NREP: variants seen among roughly 807,000 people sequenced by gnomAD.
NREP encodes the protein neuronal regeneration related protein.
NREP carries 5 observed loss-of-function variants against 8.6 expected under a neutral mutation model. That is an observed-to-expected ratio of 0.58 (90% confidence interval 0.30 to 1.22). The LOEUF is 1.22. Ranked by LOEUF, NREP falls within the 50% of genes most tolerant of loss-of-function variation. The pLI, the probability that NREP is intolerant of heterozygous loss-of-function variation, is 0.07. For missense variants in NREP, 86 were observed against 82.5 expected (o/e 1.04, Z -0.17); for synonymous variants, 27 against 28.0 (o/e 0.96, Z 0.11).
intron 2 of NREP, among the ~76,000 whole-genome samples, chr5:111,766,960 C>G (rs531092665): frequency 5.3e-5 from 8 of 152,228 alleles, no homozygotes; most frequent in Non-Finnish European, 1.2e-4. Flanking sequence ...ACTTTTTACA[C>G]TTTTACAGTT....
chr5:111,923,433 T>A (rs1406687699), intron 2 of NREP, among the ~76,000 whole-genome samples: 1 of 152,202 alleles, frequency 6.6e-6, no homozygotes, highest in East Asian at 1.9e-4. Flanking sequence ...CCCAGTTTCC[T>A]CTGGGAGGAA....
chr5:111,837,416 A>T (rs1430291954), intron 2 of NREP, among the ~76,000 whole-genome samples: 1 of 152,100 alleles, frequency 6.6e-6, no homozygotes, highest in Non-Finnish European at 1.5e-5. Flanking sequence ...AATGGTTGAA[A>T]TTGATTGAAA....
chr5:111,855,833 C>T (rs184059653), intron 2 of NREP, among the ~76,000 whole-genome samples: 6 of 151,890 alleles, frequency 4.0e-5, no homozygotes, highest in South Asian at 2.1e-4. Flanking sequence ...TTCATGCAGG[C>T]GAAATCAGGT....
intron 2 of NREP, among the ~76,000 whole-genome samples, chr5:111,774,007 C>T (rs1047968592): frequency 6.6e-6 from 1 of 152,108 alleles, no homozygotes; most frequent in Non-Finnish European, 1.5e-5. Context: ...GTTTTCTACT[C>T]TGATCTGAGA....
At chr5:111,945,100 A>AC (rs1377571650) in intron 2 of NREP, among the ~76,000 whole-genome samples, 1 of 151,648 alleles carries the variant, frequency 6.6e-6, no homozygotes, top group Admixed American at 6.6e-5. Context: ...CAACACCCTA[A>AC]CCCCTCTTCA....
At chr5:111,947,408 T>G (rs558906663) in intron 2 of NREP, among the ~76,000 whole-genome samples, 21 of 152,138 alleles carry the variant, frequency 1.4e-4, no homozygotes, top group African/African-American at 4.6e-4. Flanking sequence ...AATTGTATTA[T>G]ATAAAGAGGG....
intron 2 of NREP, among the ~76,000 whole-genome samples, chr5:111,890,180 G>C (rs1178881064): frequency 6.6e-6 from 1 of 152,188 alleles, no homozygotes; most frequent in Non-Finnish European, 1.5e-5. Flanking sequence ...CAGGCCTCAA[G>C]CAAGTTCAAA....
At chr5:111,954,122 A>G (rs1756242969) in intron 2 of NREP, among the ~76,000 whole-genome samples, 1 of 152,144 alleles carries the variant, frequency 6.6e-6, no homozygotes, top group Non-Finnish European at 1.5e-5. Context: ...CTATATCTAT[A>G]TCTACATCTA....
At chr5:111,744,966 A>G (rs1427010061) in intron 2 of NREP, among the ~76,000 whole-genome samples, 1 of 152,118 alleles carries the variant, frequency 6.6e-6, no homozygotes, top group African/African-American at 2.4e-5. Flanking sequence ...CTTCTCCAAA[A>G]GAAGGGAACT....
chr5:111,929,444 A>C (rs1755478384), intron 2 of NREP, among the ~76,000 whole-genome samples: 1 of 152,234 alleles, frequency 6.6e-6, no homozygotes, highest in East Asian at 1.9e-4. Context: ...CAATACCAGC[A>C]AACCACTTCT....
chr5:111,920,681 A>T lies in NREP; in HGVS notation c.135+54593T>A, dbSNP rs1755213018. Among the ~76,000 whole-genome samples the T allele has an allele frequency of 2.0e-5, 3 of 152,164 alleles. No homozygotes were observed. In the South Asian group the frequency reaches 6.2e-4, roughly 32 times the overall value. ...GGGTGCTTCATTTACATAAGGCATG[A>T]ATTTCTGAATCCCCACCCCACCCTT... is the stretch of plus-strand genomic sequence containing the variant. On this transcript the variant is annotated intron_variant, in intron 2 of 3. Transcript: ENST00000395634.
intron 2 of NREP, among the ~76,000 whole-genome samples, chr5:111,771,586 A>G (rs1406307105): frequency 6.6e-6 from 1 of 152,068 alleles, no homozygotes; most frequent in African/African-American, 2.4e-5. Context: ...AACATGGAGA[A>G]AACTCGTCTC....
chr5:111,931,966 A>G (rs1261785963), intron 2 of NREP, among the ~76,000 whole-genome samples: 3 of 152,108 alleles, frequency 2.0e-5, no homozygotes, highest in African/African-American at 7.2e-5. Context: ...AACCAATTGC[A>G]TCTCATTGTA....
chr5:111,898,930 G>A (rs761505208), intron 2 of NREP, among the ~76,000 whole-genome samples: 1 of 151,850 alleles, frequency 6.6e-6, no homozygotes, highest in Non-Finnish European at 1.5e-5. Context: ...GAGAGAATAA[G>A]GTGATATATT....
intron 2 of NREP, among the ~76,000 whole-genome samples, chr5:111,962,695 C>T (rs1008799269): frequency 4.6e-5 from 7 of 152,154 alleles, no homozygotes; most frequent in South Asian, 2.1e-4. Flanking sequence ...AAATTACCTA[C>T]GCCCTGCCCC....
At chr5:111,893,506 G>C (rs921743203) in intron 2 of NREP, among the ~76,000 whole-genome samples, 6 of 151,264 alleles carry the variant, frequency 4.0e-5, no homozygotes, top group African/African-American at 1.5e-4. Flanking sequence ...TATTTTCCAA[G>C]CCAAATAAAA....
chr5:111,759,352 C>T (rs534268143), upstream of NREP, among the ~76,000 whole-genome samples: 10 of 152,124 alleles, frequency 6.6e-5, 1 homozygote, highest in African/African-American at 2.4e-4. Context: ...GGGACTTTAA[C>T]GTTTATGTAA....
chr5:111,868,337 A>C (rs1019016581), intron 2 of NREP, among the ~76,000 whole-genome samples: 1 of 152,194 alleles, frequency 6.6e-6, no homozygotes, highest in African/African-American at 2.4e-5. Context: ...TCCTAAGTTA[A>C]ACTGTTAACA....
chr5:111,735,708 G>A (rs554602266), intron 2 of NREP, among the ~76,000 whole-genome samples: 2 of 152,164 alleles, frequency 1.3e-5, no homozygotes, highest in Admixed American at 6.5e-5. Flanking sequence ...GTTTCAGCTC[G>A]ATGTCTTCCA....
Sources: allele counts gnomAD v4.1 joint callset (sites outside exome capture counted in the v4.1 genomes callset), GRCh38; gene constraint gnomAD v4.1.1; transcripts MANE v1.5; gene names NCBI Gene and HGNC (gene_info 2026-07-23, HGNC 2026-07-21).